Variants in CORO2A observed in about 807,000 individuals in gnomAD.
The protein encoded by CORO2A is coronin 2A.
CORO2A carries 47 observed loss-of-function variants against 62.4 expected under a neutral mutation model. That is an observed-to-expected ratio of 0.75 (90% CI 0.60 to 0.96). The LOEUF (loss-of-function observed/expected upper bound fraction) is 0.96, where lower values mean the gene tolerates loss of function less well. CORO2A is among the 40% of genes least tolerant of loss of function. CORO2A has a pLI of 0.00. For missense variants in CORO2A, 610 were observed against 684.1 expected (o/e 0.89, Z 1.21); for synonymous variants, 273 against 268.9 (o/e 1.02, Z -0.15).
chr9:98,187,615 A>C (rs1377314125), intron 1 of CORO2A, among the ~76,000 whole-genome samples: 3 of 152,096 alleles, frequency 2.0e-5, no homozygotes, highest in African/African-American at 7.2e-5. Flanking sequence ...CTGTGTCCTC[A>C]TGTGGTGGAG....
At chr9:98,150,861 C>T (rs1827714499) in intron 2 of CORO2A, among the ~76,000 whole-genome samples, 1 of 152,116 alleles carries the variant, frequency 6.6e-6, no homozygotes, top group Non-Finnish European at 1.5e-5. Flanking sequence ...TGCACTTGTC[C>T]CTCCCTAGCT....
rs958995411 is a variant in CORO2A, at chr9:98,163,932, T to A, written c.1-6272A>T. On this transcript the variant is annotated intron_variant, in intron 1 of 11. Coordinates refer to ENST00000375077, the MANE Select transcript of CORO2A (RefSeq NM_052820.4). ...ATAATAGATTATTCATTAATTGTACTGTTTGTGGCTTTAAGGAAAGAATGA... is the reference window on the plus strand; with the variant it reads ...ATAATAGATTATTCATTAATTGTACAGTTTGTGGCTTTAAGGAAAGAATGA... 7.9e-5 allele frequency among the ~76,000 whole-genome samples: 12 copies of A among 152,306 alleles called. No homozygotes were observed. The South Asian group carries it at 8.3e-4, about 11-fold the overall frequency.
At chr9:98,179,205 C>T (rs1828146275) in intron 1 of CORO2A, among the ~76,000 whole-genome samples, 1 of 152,314 alleles carries the variant, frequency 6.6e-6, no homozygotes, top group East Asian at 1.9e-4. Context: ...AAACCCTTCC[C>T]TAGGCTCTGG....
chr9:98,167,689 C>A (rs1374160110), intron 1 of CORO2A, among the ~76,000 whole-genome samples: 1 of 152,038 alleles, frequency 6.6e-6, no homozygotes, highest in East Asian at 1.9e-4. Context: ...TGAGTGGGCA[C>A]CTGACAGTAT....
intron 2 of CORO2A, among the ~76,000 whole-genome samples, chr9:98,145,776 G>A (rs1188570948): frequency 1.3e-5 from 2 of 152,144 alleles, no homozygotes; most frequent in Non-Finnish European, 2.9e-5. Context: ...GCAATGGTGC[G>A]ATCTTGGTTT....
chr9:98,125,366 G>A (rs1827301852), intron 11 of CORO2A, among the ~76,000 whole-genome samples: 1 of 152,194 alleles, frequency 6.6e-6, no homozygotes. Context: ...CCCTATAAGG[G>A]TGGCAGTGCT....
intron 5 of CORO2A, among the ~76,000 whole-genome samples, chr9:98,132,741 AC>A (rs1039650282): frequency 6.6e-6 from 1 of 151,772 alleles, no homozygotes; most frequent in African/African-American, 2.4e-5. Context: ...GGCTCTCCTG[AC>A]CCCCTGGCCA....
chr9:98,153,395 C>A (rs1250611809), intron 2 of CORO2A, among the ~76,000 whole-genome samples: 5 of 145,900 alleles, frequency 3.4e-5, no homozygotes, highest in Non-Finnish European at 6.0e-5. Flanking sequence ...GCCAGCGCAT[C>A]CGGCTGATAA....
chr9:98,175,958 G>A (rs990741853), intron 1 of CORO2A, among the ~76,000 whole-genome samples: 12 of 152,184 alleles, frequency 7.9e-5, no homozygotes, highest in Non-Finnish European at 1.8e-4. Context: ...TACTCACTGT[G>A]AGCCAGGCAC....
chr9:98,153,480 T>C (rs913056160), intron 2 of CORO2A, among the ~76,000 whole-genome samples: 7 of 151,884 alleles, frequency 4.6e-5, no homozygotes, highest in African/African-American at 1.5e-4. Context: ...CTTTCATAGC[T>C]ACTGCAACCT....
At chr9:98,142,735 GCTTCTCTTCCTTCTCAGC>G (rs1324681203) in intron 2 of CORO2A, among the ~76,000 whole-genome samples, 3 of 152,186 alleles carry the variant, frequency 2.0e-5, no homozygotes, top group Admixed American at 2.0e-4. Context: ...GCCCTAGACA[GCTTCTCTTCCTTCTCAGC>G]CTTCTCTTCC....
At chr9:98,137,749 G>T in intron 2 of CORO2A, 61 bp from the exon 3 acceptor site, 1 of 1,216,870 alleles carries the variant, frequency 8.2e-7, no homozygotes, top group Non-Finnish European at 1.2e-6. Context: ...CATCTGGACA[G>T]TCACATAGTC....
intron 1 of CORO2A, 50 bp from the exon 2 acceptor site, chr9:98,157,710 T>G: frequency 6.6e-7 from 1 of 1,522,234 alleles, no homozygotes; most frequent in Non-Finnish European, 9.0e-7. Context: ...GCCCTGATCA[T>G]GGGACACACA....
At chr9:98,161,231 A>G (rs976546527) in intron 1 of CORO2A, among the ~76,000 whole-genome samples, 1 of 152,018 alleles carries the variant, frequency 6.6e-6, no homozygotes, top group African/African-American at 2.4e-5. Flanking sequence ...CCGGACTCTG[A>G]GGGCAGTGGG....
At chr9:98,152,442 A>C (rs1056097135) in intron 2 of CORO2A, among the ~76,000 whole-genome samples, 1 of 151,992 alleles carries the variant, frequency 6.6e-6, no homozygotes, top group Non-Finnish European at 1.5e-5. Context: ...GGCATGCTCC[A>C]CTATGCCTGG....
intron 11 of CORO2A, among the ~76,000 whole-genome samples, chr9:98,125,709 ATTTTT>A (rs993617176): frequency 2.2e-5 from 2 of 89,586 alleles, no homozygotes; most frequent in Non-Finnish European, 4.3e-5. Flanking sequence ...GTTTCCCACC[ATTTTT>A]TTTTTTTTTT....
At chr9:98,150,407 C>T (rs890363384) in intron 2 of CORO2A, among the ~76,000 whole-genome samples, 1 of 152,132 alleles carries the variant, frequency 6.6e-6, no homozygotes, top group Admixed American at 6.5e-5. Context: ...TGCACAGACA[C>T]ACCAAACCCA....
intron 1 of CORO2A, among the ~76,000 whole-genome samples, chr9:98,160,072 T>A (rs557174641): frequency 6.6e-6 from 1 of 152,322 alleles, no homozygotes; most frequent in Non-Finnish European, 1.5e-5. Context: ...AGCACGTCAG[T>A]CTTGCAGGGG....
intron 3 of CORO2A, among the ~76,000 whole-genome samples, chr9:98,135,542 A>T (rs10818514): frequency 0.085 from 12,933 of 152,070 alleles, 712 homozygotes; most frequent in Non-Finnish European, 0.12. Context: ...GCCTGAGAAG[A>T]GGTGCTGGGA....
Sources: allele counts gnomAD v4.1 joint callset (sites outside exome capture counted in the v4.1 genomes callset), GRCh38; gene constraint gnomAD v4.1.1; transcripts MANE v1.5; gene names NCBI Gene and HGNC (gene_info 2026-07-23, HGNC 2026-07-21).